MYH9: variants seen among roughly 807,000 people sequenced by gnomAD.
MYH9 encodes myosin heavy chain 9.
Under a neutral mutation model 241.9 loss-of-function variants are expected in MYH9, and 29 were observed. That is an observed-to-expected ratio of 0.12 (90% CI 0.09 to 0.16). The LOEUF (loss-of-function observed/expected upper bound fraction) is 0.16, where lower values mean the gene tolerates loss of function less well. Ranked by LOEUF, MYH9 falls within the 10% of genes least tolerant of loss-of-function variation. The pLI is 1.00. For synonymous variants in MYH9, 1,047 were observed against 1,062.6 expected (o/e 0.99, Z 0.29); for missense variants, 1,803 against 2,595.5 (o/e 0.69, Z 6.63).
chr22:36,313,453 A>G (rs945151125), intron 13 of MYH9, among the ~76,000 whole-genome samples: 80 of 85,552 alleles, frequency 9.4e-4, no homozygotes, highest in African/African-American at 2.4e-3. Flanking sequence ...CTCCGTCTCA[A>G]AAAAAAAAAA....
chr22:36,296,746 T>G, intron 25 of MYH9, 97 bp downstream of exon 25: 1 of 1,352,568 alleles, frequency 7.4e-7, no homozygotes, highest in Non-Finnish European at 9.8e-7. Flanking sequence ...GTGGAAAGAA[T>G]GCTCACAGCT....
intron 20 of MYH9, chr22:36,302,272 A>G: frequency 2.8e-6 from 1 of 359,020 alleles, no homozygotes. Flanking sequence ...AGCAGCCCGG[A>G]CAAGTTTAAA....
At chr22:36,310,918 T>C (rs2017053209) in intron 14 of MYH9, among the ~76,000 whole-genome samples, 1 of 152,192 alleles carries the variant, frequency 6.6e-6, no homozygotes, top group African/African-American at 2.4e-5. Context: ...TAAATCGCTT[T>C]TTTGGCTTTA....
At chr22:36,350,634 T>C (rs1406243653) in intron 1 of MYH9, among the ~76,000 whole-genome samples, 4 of 152,288 alleles carry the variant, frequency 2.6e-5, no homozygotes, top group Non-Finnish European at 4.4e-5. Flanking sequence ...GAAAGGTCTT[T>C]GTAGTAACAA....
chr22:36,352,671 G>A (rs1420035761), intron 1 of MYH9, among the ~76,000 whole-genome samples: 2 of 152,226 alleles, frequency 1.3e-5, no homozygotes, highest in Non-Finnish European at 2.9e-5. Flanking sequence ...CAGGCCAGTG[G>A]TGTCCACTTG....
At chr22:36,283,761 G>A (rs1258154577) in intron 40 of MYH9, among the ~76,000 whole-genome samples, 15 of 152,184 alleles carry the variant, frequency 9.9e-5, no homozygotes, top group Admixed American at 9.8e-4. Context: ...TTTAACCTCT[G>A]TAGGCATTGC....
intron 23 of MYH9, among the ~76,000 whole-genome samples, chr22:36,299,579 T>A (rs1316227994): frequency 6.6e-6 from 1 of 152,164 alleles, no homozygotes. Flanking sequence ...GTGGGCGTCC[T>A]GCCACCTCAG....
Position 36,292,344 on chromosome 22 carries a change from A to AG in MYH9, c.4096-111dup, listed in dbSNP as rs959686410. On this transcript the variant is annotated intron_variant, in intron 30 of 40. Coordinates refer to ENST00000216181, the MANE Select transcript of MYH9 (RefSeq NM_002473.6). ...CCTGCCACACCGTGGAAGGGGCACC[A>AG]GGGATCTGCCCAGTTATGAAACCGC... 5 of 1,458,272 alleles carry AG rather than the reference A, an allele frequency of 3.4e-6. No individual in the cohort carries two copies. The African/African-American group carries it at 5.6e-5, about 16-fold the overall frequency. 90.3% of individuals were successfully genotyped at this position (1,458,272 alleles called of 1,614,324 possible).
At position 36,330,638 on chromosome 22, in the gene MYH9, A is replaced by G. The variant is rs1289149735; in HGVS notation, c.491-3150T>C. On this transcript the variant is annotated intron_variant, in intron 3 of 40. Transcript: ENST00000216181. The surrounding 1 kb of genome is among the most constrained non-coding windows in gnomAD (Gnocchi z 4.5). ...ACTCTGCAGCCCACCTCCCCACCCT[A>G]TGCATTCTAGTGGAGACTGCCATTG... is the stretch of plus-strand genomic sequence containing the variant. Among the ~76,000 whole-genome samples the G allele has an allele frequency of 1.3e-5, 2 of 151,860 alleles. No individual in the cohort carries two copies. Among genetic ancestry groups the G allele is most frequent in the Non-Finnish European group, 2.9e-5 (2 of 67,964 alleles).
chr22:36,330,795 C>T lies in MYH9; in HGVS notation c.491-3307G>A, dbSNP rs1196082429. Among the ~76,000 whole-genome samples the T allele has an allele frequency of 6.6e-6, 1 of 152,022 alleles. No individual in the cohort carries two copies. Among genetic ancestry groups the T allele is most frequent in the African/African-American group, 2.4e-5 (1 of 41,388 alleles). On this transcript the variant is annotated intron_variant, in intron 3 of 40. Coordinates refer to ENST00000216181, the MANE Select transcript of MYH9 (RefSeq NM_002473.6). This position sits in a 1 kb window ranked among gnomAD's most constrained non-coding sequence, Gnocchi z 4.5. ...AGGACTGAAGGCTTATTTGAAAACG[C>T]CCTTCCTTCCTCTAAACGGGAGGAG...
chr22:36,375,507 A>AC (rs2018152390), intron 1 of MYH9, among the ~76,000 whole-genome samples: 1 of 152,214 alleles, frequency 6.6e-6, no homozygotes, highest in Non-Finnish European at 1.5e-5. Flanking sequence ...ATGCTCAGCC[A>AC]CTGGTGAGGG....
intron 2 of MYH9, among the ~76,000 whole-genome samples, chr22:36,344,550 A>G (rs1025546653): frequency 2.6e-5 from 4 of 152,248 alleles, no homozygotes; most frequent in Admixed American, 1.3e-4. Context: ...GAATGACTAC[A>G]GAGGCCATCA....
chr22:36,283,893 G>T (rs1290034393), intron 40 of MYH9, among the ~76,000 whole-genome samples, 200 bp downstream of exon 40: 2 of 152,216 alleles, frequency 1.3e-5, no homozygotes, highest in Non-Finnish European at 2.9e-5. Flanking sequence ...GGACAGCTGG[G>T]AATAAACTAC....
rs141680153 is a variant in MYH9 at position 36,370,510 on chromosome 22, G to A, written c.-20+17297C>T. On this transcript the variant is annotated intron_variant, in intron 1 of 40. Coordinates refer to ENST00000216181, the MANE Select transcript of MYH9 (RefSeq NM_002473.6). ...GAATTGCTAAGACATGAAGCAGTCC[G>A]CTGGGAACAGTGGCATAAGCGAAGC... is the stretch of plus-strand genomic sequence containing the variant. 7.4e-4 allele frequency among the ~76,000 whole-genome samples: 112 copies of A among 152,334 alleles called. 1 individual carries two copies. In the East Asian group the frequency reaches 0.013, roughly 18 times the overall value.
intron 1 of MYH9, among the ~76,000 whole-genome samples, chr22:36,356,854 T>C (rs2017865053): frequency 6.6e-6 from 1 of 152,208 alleles, no homozygotes; most frequent in Non-Finnish European, 1.5e-5. Context: ...CCTTCTGTCC[T>C]GTTCACTGCT....
At chr22:36,354,867 T>G (rs886082741) in intron 1 of MYH9, among the ~76,000 whole-genome samples, 1 of 151,676 alleles carries the variant, frequency 6.6e-6, no homozygotes, top group Non-Finnish European at 1.5e-5. Flanking sequence ...TGAATCGACA[T>G]GCACTGCCAT....
chr22:36,380,156 A>C (rs2018234172), intron 1 of MYH9, among the ~76,000 whole-genome samples: 1 of 152,206 alleles, frequency 6.6e-6, no homozygotes, highest in African/African-American at 2.4e-5. Context: ...GCAGGACCTC[A>C]GGACCCTGAT....
intron 3 of MYH9, among the ~76,000 whole-genome samples, chr22:36,335,048 G>C (rs1214704875): frequency 6.6e-6 from 1 of 152,106 alleles, no homozygotes; most frequent in Non-Finnish European, 1.5e-5. Flanking sequence ...GTGCCCTATA[G>C]AAGTGCTGTG....
chr22:36,319,878 A>G, intron 9 of MYH9: 1 of 624,324 alleles, frequency 1.6e-6, no homozygotes, highest in South Asian at 1.8e-5. Flanking sequence ...GCTGGGCTTC[A>G]CCAGCACAAA....
Sources: allele counts gnomAD v4.1 joint callset (sites outside exome capture counted in the v4.1 genomes callset), GRCh38; gene constraint gnomAD v4.1.1; non-coding constraint Gnocchi (gnomAD v3.1); transcripts MANE v1.5; gene names NCBI Gene and HGNC (gene_info 2026-07-23, HGNC 2026-07-21).